The following FBXL7 variants were observed in gnomAD, a reference collection of about 807,000 sequenced individuals.
FBXL7 encodes the protein F-box and leucine rich repeat protein 7.
Under a neutral mutation model 38.3 loss-of-function variants are expected in FBXL7, and 12 were observed. That is an observed-to-expected ratio of 0.31 (90% CI 0.20 to 0.51). FBXL7 has a LOEUF of 0.51. Among genes scored for constraint, FBXL7 ranks in the 20% least tolerant of loss-of-function variants. The pLI is 0.98. For missense variants in FBXL7, 567 were observed against 676.4 expected (o/e 0.84, Z 1.79); for synonymous variants, 297 against 300.9 (o/e 0.99, Z 0.13).
At chr5:15,707,269 T>A (rs1743718199) in intron 2 of FBXL7, among the ~76,000 whole-genome samples, 1 of 133,000 alleles carries the variant, frequency 7.5e-6, no homozygotes, top group Non-Finnish European at 1.5e-5. Context: ...AGAACAGCCC[T>A]GAGGGCTGCT....
chr5:15,636,062 A>G (rs1407210671), intron 2 of FBXL7, among the ~76,000 whole-genome samples: 1 of 151,466 alleles, frequency 6.6e-6, no homozygotes, highest in African/African-American at 2.4e-5. Flanking sequence ...TTACTGCACC[A>G]TCCACACGAG....
chr5:15,588,267 A>G (rs1171871544), intron 1 of FBXL7, among the ~76,000 whole-genome samples: 1 of 152,210 alleles, frequency 6.6e-6, no homozygotes, highest in Admixed American at 6.5e-5. Flanking sequence ...AAAATAAGCT[A>G]TCACTCTGAA....
intron 1 of FBXL7, among the ~76,000 whole-genome samples, chr5:15,562,177 G>C (rs138943191): frequency 0.015 from 2,284 of 152,118 alleles, 168 homozygotes; most frequent in Admixed American, 0.12. Context: ...AAAATATAGG[G>C]GAAAATCTCC....
At chr5:15,740,135 A>G (rs1735857278) in intron 2 of FBXL7, among the ~76,000 whole-genome samples, 1 of 152,172 alleles carries the variant, frequency 6.6e-6, no homozygotes, top group Non-Finnish European at 1.5e-5. Flanking sequence ...TTAAGTCCAA[A>G]GTATGGGAAG....
intron 2 of FBXL7, among the ~76,000 whole-genome samples, chr5:15,828,533 A>G (rs994852586): frequency 7.2e-5 from 11 of 152,206 alleles, no homozygotes; most frequent in Admixed American, 7.2e-4. Context: ...AATAGAACAT[A>G]TAAATCCCCT....
chr5:15,851,533 G>A (rs1739093733), intron 2 of FBXL7, among the ~76,000 whole-genome samples: 1 of 152,130 alleles, frequency 6.6e-6, no homozygotes, highest in Non-Finnish European at 1.5e-5. Flanking sequence ...GCAGCATAAG[G>A]ACATGTTTAG....
chr5:15,505,930 T>TC (rs1299763860), intron 1 of FBXL7, among the ~76,000 whole-genome samples: 1 of 152,294 alleles, frequency 6.6e-6, no homozygotes, highest in Non-Finnish European at 1.5e-5. Flanking sequence ...AACGTTTCTG[T>TC]CCATTTCTTC....
chr5:15,717,500 G>A (rs1057065104), intron 2 of FBXL7, among the ~76,000 whole-genome samples: 10 of 152,224 alleles, frequency 6.6e-5, no homozygotes, highest in Non-Finnish European at 1.0e-4. Context: ...AGAATTTTTA[G>A]TGAAGCAGAT....
chr5:15,620,746 G>A (rs1189205161), intron 2 of FBXL7, among the ~76,000 whole-genome samples: 2 of 152,180 alleles, frequency 1.3e-5, no homozygotes, highest in Non-Finnish European at 1.5e-5. Flanking sequence ...TCCCAGCCTG[G>A]CACGTGGTGC....
rs116229138 is a variant in FBXL7, at chr5:15,586,668, C to A, written c.38-29315C>A. 3.6e-3 allele frequency among the ~76,000 whole-genome samples: 552 copies of A among 152,206 alleles called. 2 individuals are homozygous for A. The highest frequency in any genetic ancestry group is 6.0e-3 in the Non-Finnish European group (406 of 68,010). On this transcript the variant is annotated intron_variant, in intron 1 of 3. Coordinates refer to ENST00000504595, the MANE Select transcript of FBXL7 (RefSeq NM_012304.5). ...ATTGTCTACAGTCCAGGGATAGCAC[C>A]ATTACACATATTGAATTTACTTTCT...
intron 2 of FBXL7, among the ~76,000 whole-genome samples, chr5:15,853,929 G>T (rs924329522): frequency 6.6e-6 from 1 of 152,116 alleles, no homozygotes; most frequent in Non-Finnish European, 1.5e-5. Flanking sequence ...ATGACATATG[G>T]ATATTTGATC....
At chr5:15,893,243 C>T (rs1740986372) in intron 2 of FBXL7, among the ~76,000 whole-genome samples, 1 of 152,074 alleles carries the variant, frequency 6.6e-6, no homozygotes, top group Non-Finnish European at 1.5e-5. Flanking sequence ...ACCATCATGC[C>T]CCCACTAATA....
At chr5:15,525,139 G>T (rs1346879173) in intron 1 of FBXL7, among the ~76,000 whole-genome samples, 1 of 152,140 alleles carries the variant, frequency 6.6e-6, no homozygotes, top group Non-Finnish European at 1.5e-5. Flanking sequence ...AGCTCATAGG[G>T]CAATGGTGAG....
chr5:15,882,706 A>G (rs1234727564), intron 2 of FBXL7, among the ~76,000 whole-genome samples: 15 of 152,286 alleles, frequency 9.8e-5, no homozygotes, highest in Middle Eastern at 3.4e-3. Context: ...TCTCTTCTCA[A>G]TCTCCTTTGG....
chr5:15,545,844 C>T (rs543587851), intron 1 of FBXL7, among the ~76,000 whole-genome samples: 2 of 152,270 alleles, frequency 1.3e-5, no homozygotes, highest in African/African-American at 4.8e-5. Flanking sequence ...CCTAGTGAAA[C>T]TTTCTTGCAG....
intron 2 of FBXL7, among the ~76,000 whole-genome samples, chr5:15,821,801 G>A (rs1304106155): frequency 6.6e-6 from 1 of 152,152 alleles, no homozygotes; most frequent in African/African-American, 2.4e-5. Flanking sequence ...AAGCAGCAGG[G>A]ACTTTTCTGA....
chr5:15,545,297 TTAACA>T (rs1001871276), intron 1 of FBXL7, among the ~76,000 whole-genome samples: 3 of 152,250 alleles, frequency 2.0e-5, no homozygotes, highest in African/African-American at 7.2e-5. Context: ...TTCTCCTAAG[TTAACA>T]TAAGACTATC....
chr5:15,862,051 GA>G (rs1277633877), intron 2 of FBXL7, among the ~76,000 whole-genome samples: 2 of 152,172 alleles, frequency 1.3e-5, no homozygotes. Context: ...CTGTCTTTGA[GA>G]ATGGAAAGAA....
chr5:15,860,688 T>C (rs539453653), intron 2 of FBXL7, among the ~76,000 whole-genome samples: 1 of 152,330 alleles, frequency 6.6e-6, no homozygotes, highest in Admixed American at 6.5e-5. Flanking sequence ...ATTTTCGTAG[T>C]TGTCAACAAA....
Sources: gnomAD v4.1 joint callset for allele counts (sites outside exome capture counted in the v4.1 genomes callset) on GRCh38, gnomAD v4.1.1 for gene constraint, MANE v1.5 for transcripts, NCBI Gene and HGNC (gene_info 2026-07-23, HGNC 2026-07-21) for gene names.